NFATC1: variants seen among roughly 807,000 people sequenced by gnomAD.
The protein encoded by NFATC1 is nuclear factor of activated T cells 1, also known as nuclear factor of activated T-cells, cytoplasmic 1.
NFATC1 carries 22 observed loss-of-function variants against 76.0 expected under a neutral mutation model. The observed-to-expected ratio is 0.29, with a 90% CI of 0.21 to 0.41. The LOEUF (loss-of-function observed/expected upper bound fraction) is 0.41, where lower values mean the gene tolerates loss of function less well. Ranked by LOEUF, NFATC1 falls within the 10% of genes least tolerant of loss-of-function variation. The probability of loss-of-function intolerance (pLI) is 1.00; values close to 1 mark genes in which losing one functional copy is unlikely to be tolerated. For synonymous variants in NFATC1, 704 were observed against 613.1 expected, an observed-to-expected ratio of 1.15 and a Z score of -2.19; for missense variants, 1,357 against 1,337.7, an observed-to-expected ratio of 1.01 and a Z score of -0.23.
intron 4 of NFATC1, among the ~76,000 whole-genome samples, chr18:79,449,345 G>A (rs943887096): frequency 2.0e-5 from 3 of 152,244 alleles, no homozygotes; most frequent in Non-Finnish European, 2.9e-5. Flanking sequence ...TCTGGATCAC[G>A]TTGACCTTTA....
In NFATC1 at chr18:79,479,970, G is replaced by A. The variant is rs1260318252; in HGVS notation, c.2093-6278G>A. On this transcript the variant is annotated intron_variant, in intron 8 of 9. Transcript: ENST00000427363. The stretch of plus-strand genomic sequence containing the variant: ...TGAGCCAGACTTCATGGGCAAGGCT[G>A]GGAGAAGCCGCGTGGAGACCCCAGC... Among the ~76,000 whole-genome samples the A allele has an allele frequency of 2.0e-5, 3 of 152,208 alleles. No homozygotes were observed. The East Asian group carries it at 5.8e-4, about 29-fold the overall frequency.
At chr18:79,478,956 G>T (rs926181476) in intron 8 of NFATC1, among the ~76,000 whole-genome samples, 2 of 152,190 alleles carry the variant, frequency 1.3e-5, no homozygotes, top group African/African-American at 4.8e-5. Flanking sequence ...TGACCACTGC[G>T]CGCCGCCTCC....
chr18:79,396,403 G>T, intron 1 of NFATC1, 52 bp downstream of exon 1: 1 of 1,124,094 alleles, frequency 8.9e-7, no homozygotes, highest in Non-Finnish European at 1.1e-6. Flanking sequence ...CCACGGCCCG[G>T]GCCGCGCCCC....
intron 3 of NFATC1, among the ~76,000 whole-genome samples, chr18:79,439,853 G>A (rs537414481): frequency 2.0e-5 from 3 of 152,338 alleles, no homozygotes; most frequent in East Asian, 1.9e-4. Flanking sequence ...AGGTGTTCAC[G>A]GGGCAGATTC....
At chr18:79,458,912 G>A (rs930846429) in intron 6 of NFATC1, among the ~76,000 whole-genome samples, 6 of 152,366 alleles carry the variant, frequency 3.9e-5, no homozygotes, top group Admixed American at 2.0e-4. Context: ...ATTTCTGGCC[G>A]TGAATACTAT....
intron 8 of NFATC1, among the ~76,000 whole-genome samples, chr18:79,471,448 G>GTATT (rs1385308465): frequency 6.6e-6 from 1 of 152,232 alleles, no homozygotes; most frequent in African/African-American, 2.4e-5. Flanking sequence ...ACCAAAGTCA[G>GTATT]TATTTTTTTA....
chr18:79,498,190 A>G (rs1487953569), intron 9 of NFATC1: 3 of 152,186 alleles, frequency 2.0e-5, no homozygotes, highest in Non-Finnish European at 4.4e-5. Flanking sequence ...AGGAAGAAAA[A>G]TCTGTAGCCC....
rs2084992073 is a variant in NFATC1, at chr18:79,396,031, C to T, written c.-194C>T. The stretch of plus-strand genomic sequence containing the variant: ...ACCGGGGCGCGGGCAGGGCTCGGAG[C>T]CACCGCGCAGGTCCTAGGGCCGCGG... On this transcript the variant is annotated 5_prime_UTR_variant, in exon 1 of 10. Coordinates refer to ENST00000427363, the MANE Select transcript of NFATC1 (RefSeq NM_001278669.2). 3 of 501,844 alleles carry T rather than the reference C, an allele frequency of 6.0e-6. No homozygotes were observed. The highest frequency in any genetic ancestry group is 8.3e-6 in the Non-Finnish European group (3 of 361,218). 31.1% of individuals were successfully genotyped at this position (501,844 alleles called of 1,614,324 possible).
In NFATC1 at chr18:79,512,325, A is replaced by T. The variant is rs76352000; in HGVS notation, c.2783-15203A>T. On this transcript the variant is annotated intron_variant, in intron 9 of 9. Coordinates refer to ENST00000427363, the MANE Select transcript of NFATC1 (RefSeq NM_001278669.2). Reference sequence around the variant, plus strand: ...CTGACTGCAGCAAAATCCTGGCACCACCTGGCACTAGGACCTCTCCCACCA... The same window carrying T: ...CTGACTGCAGCAAAATCCTGGCACCTCCTGGCACTAGGACCTCTCCCACCA... Among the ~76,000 whole-genome samples, 968 of 152,234 alleles carry T rather than the reference A, an allele frequency of 6.4e-3. 2 individuals are homozygous for T. Among genetic ancestry groups the T allele is most frequent in the Admixed American group, 8.0e-3 (122 of 15,292 alleles).
At chr18:79,449,713 G>T (rs912535967) in intron 4 of NFATC1, among the ~76,000 whole-genome samples, 2 of 152,222 alleles carry the variant, frequency 1.3e-5, no homozygotes, top group Non-Finnish European at 1.5e-5. Flanking sequence ...TGACCCGCAG[G>T]CTGGGAGCCC....
At chr18:79,517,961 G>C (rs958515757) in intron 9 of NFATC1, among the ~76,000 whole-genome samples, 4 of 152,232 alleles carry the variant, frequency 2.6e-5, no homozygotes, top group Admixed American at 2.0e-4. Context: ...GTGTATTTGG[G>C]TTAGCGTGGC....
At chr18:79,498,999 C>T (rs1179562371) in intron 9 of NFATC1, among the ~76,000 whole-genome samples, 1 of 152,164 alleles carries the variant, frequency 6.6e-6, no homozygotes. Flanking sequence ...CAGACCTGAC[C>T]TACAGGACAT....
intron 8 of NFATC1, among the ~76,000 whole-genome samples, chr18:79,481,360 C>T (rs1367610994): frequency 2.6e-5 from 4 of 152,236 alleles, no homozygotes; most frequent in Non-Finnish European, 4.4e-5. Flanking sequence ...CCTCCACGGA[C>T]ACCGCCTCCT....
At chr18:79,527,249 G>T in intron 9 of NFATC1, 1 of 376,730 alleles carries the variant, frequency 2.7e-6, no homozygotes, top group East Asian at 4.7e-5. Context: ...CCAGCATCGC[G>T]GCCGGCACCT....
chr18:79,464,131 C>A (rs2088301812), intron 7 of NFATC1, among the ~76,000 whole-genome samples: 1 of 152,144 alleles, frequency 6.6e-6, no homozygotes, highest in Admixed American at 6.5e-5. Context: ...GCTCTGTCAC[C>A]CAGATTGGAG....
chr18:79,493,022 T>G (rs1310617796), intron 9 of NFATC1, among the ~76,000 whole-genome samples: 93 of 152,030 alleles, frequency 6.1e-4, no homozygotes, highest in Non-Finnish European at 1.5e-4. Context: ...CGTCTTTGTT[T>G]CTCCTGAATA....
chr18:79,494,301 GCA>G (rs2089799143), intron 9 of NFATC1, among the ~76,000 whole-genome samples: 1 of 144,600 alleles, frequency 6.9e-6, no homozygotes, highest in African/African-American at 2.6e-5. Context: ...GCGAGAGCGG[GCA>G]CACGCCCCCC....
intron 3 of NFATC1, among the ~76,000 whole-genome samples, chr18:79,436,831 A>C (rs2086796114): frequency 6.6e-6 from 1 of 151,762 alleles, no homozygotes; most frequent in South Asian, 2.1e-4. Context: ...AGAGGGAAGG[A>C]GGCCAGCCCC....
chr18:79,403,088 C>G (rs753219175), intron 1 of NFATC1, among the ~76,000 whole-genome samples: 2 of 152,198 alleles, frequency 1.3e-5, no homozygotes, highest in Non-Finnish European at 2.9e-5. Context: ...CCTGGCAGAG[C>G]TGAGGTCAGT....
Sources: allele counts gnomAD v4.1 joint callset (sites outside exome capture counted in the v4.1 genomes callset), GRCh38; gene constraint gnomAD v4.1.1; transcripts MANE v1.5; gene names NCBI Gene and HGNC (gene_info 2026-07-23, HGNC 2026-07-21).